Variants in OR4C6 observed in about 807,000 individuals in gnomAD.
The protein encoded by OR4C6 is olfactory receptor 4C6.
In OR4C6, 20 loss-of-function variants were observed where a neutral mutation model predicts 13.9. That is an observed-to-expected ratio of 1.43 (90% CI 1.01 to 2.08). The LOEUF is 2.08. Ranked by LOEUF, OR4C6 falls within the 30% of genes most tolerant of loss-of-function variation. The pLI is 0.00. For missense variants in OR4C6, 555 were observed against 381.2 expected, an observed-to-expected ratio of 1.46 and a Z score of -3.80; for synonymous variants, 193 against 141.5, an observed-to-expected ratio of 1.36 and a Z score of -2.58.
chr11:55,665,206 G>A lies in OR4C6; in HGVS notation c.40G>A (p.Gly14Ser), dbSNP rs769704448. The A allele has an allele frequency of 3.1e-6, 5 of 1,612,762 alleles. No individual in the cohort carries two copies. The highest frequency in any genetic ancestry group is 1.7e-5 in the Admixed American group (1 of 59,954). ...QNNVTEFILL[G>S]LTENLELWKI... ...CAATGTGACTGAATTCATTCTTCTG[G>A]GTCTCACAGAGAACCTGGAGCTGTG... The change falls in exon 2 of 2, where the codon GGT becomes AGT. Residue 14 changes from glycine to serine, a missense_variant. Physicochemically the swap from Gly to Ser is moderately conservative, Grantham distance 56. Coordinates refer to ENST00000314259, the MANE Select transcript of OR4C6 (RefSeq NM_001004704.2).
In OR4C6 at chr11:55,665,461, C is replaced by T; in HGVS notation, c.295C>T (p.Leu99=). ...TISLKGCLTQ[L]FVEHFFGGVG... ...CTCTCTCAAAGGCTGCCTCACCCAG[C>T]TGTTTGTGGAGCATTTCTTTGGTGG... Residue 99 remains leucine (L), a synonymous_variant, in exon 2 of 2, where the codon CTG becomes TTG. Transcript: ENST00000314259. 2 of 1,613,880 alleles carry T rather than the reference C, an allele frequency of 1.2e-6. No individual in the cohort carries two copies. Among genetic ancestry groups the T allele is most frequent in the Non-Finnish European group, 8.5e-7 (1 of 1,179,996 alleles).
At position 55,665,478 on chromosome 11, in the gene OR4C6, C is replaced by A; in HGVS notation, c.312C>A (p.Phe104Leu). 4 of 1,613,836 alleles carry A rather than the reference C, an allele frequency of 2.5e-6. No homozygotes were observed. The highest frequency in any genetic ancestry group is 3.4e-6 in the Non-Finnish European group (4 of 1,180,006). The change falls in exon 2 of 2, where the codon TTC becomes TTA. Residue 104 changes from phenylalanine (F) to leucine (L), a missense_variant. By Grantham distance (22) the Phe-to-Leu change is conservative. Coordinates refer to ENST00000314259, the MANE Select transcript of OR4C6 (RefSeq NM_001004704.2). ...GCLTQLFVEH[F>L]FGGVGIILLT... Reference sequence around the variant, plus strand: ...TCACCCAGCTGTTTGTGGAGCATTTCTTTGGTGGTGTGGGGATCATCCTCC... The same window carrying A: ...TCACCCAGCTGTTTGTGGAGCATTTATTTGGTGGTGTGGGGATCATCCTCC...
chr11:55,665,618 T>A lies in OR4C6; in HGVS notation c.452T>A (p.Phe151Tyr). 1 of 1,613,732 alleles carries A rather than the reference T, an allele frequency of 6.2e-7. No individual in the cohort carries two copies. The highest frequency in any genetic ancestry group is 1.1e-5 in the South Asian group (1 of 91,072). ...GTAGGAGGGGCTTGGGTGGGGGGAT[T>A]TATGCACGCAATGATACAACTTCTC... ...LMVGGAWVGG[F>Y]MHAMIQLLFM... The change falls in exon 2 of 2, where the codon TTT becomes TAT. Residue 151 changes from phenylalanine (F) to tyrosine (Y), a missense_variant. Transcript: ENST00000314259.
intron 1 of OR4C6, among the ~76,000 whole-genome samples, chr11:55,663,242 TAAATACA>T (rs1858692115): frequency 7.3e-6 from 1 of 137,304 alleles, no homozygotes; most frequent in Admixed American, 7.9e-5. Context: ...GATGGTGGAA[TAAATACA>T]GTGAAGCACA....
In OR4C6 at chr11:55,665,221, C is replaced by G. The variant is rs773362372; in HGVS notation, c.55C>G (p.Leu19Val). 3.1e-6 allele frequency: 5 copies of G among 1,613,330 alleles called. No homozygotes were observed. The highest frequency in any genetic ancestry group is 3.4e-6 in the Non-Finnish European group (4 of 1,179,554). Residue 19 changes from leucine to valine, a missense_variant, in exon 2 of 2, where the codon CTG becomes GTG. Physicochemically the swap from Leu to Val is conservative, Grantham distance 32 (BLOSUM62 1). Coordinates refer to ENST00000314259, the MANE Select transcript of OR4C6 (RefSeq NM_001004704.2). ...CATTCTTCTGGGTCTCACAGAGAAC[C>G]TGGAGCTGTGGAAAATATTTTCTGC... The part of the protein sequence containing the change: ...EFILLGLTEN[L>V]ELWKIFSAVF...
rs1858698236 is a variant in OR4C6, at chr11:55,663,757, T to A, written c.-42-1368T>A. ...GAGGAGAGGATGAGATTAAGTAATA[T>A]ATGGCACTTCCACAGTTTCCTGTGG... On this transcript the variant is annotated intron_variant, in intron 1 of 1. Transcript: ENST00000314259. Among the ~76,000 whole-genome samples, 2 of 121,806 alleles carry A rather than the reference T, an allele frequency of 1.6e-5. 1 individual carries two copies. The highest frequency in any genetic ancestry group is 5.4e-4 in the South Asian group (2 of 3,710). The allele number at this position is 121,806 out of a possible 152,430, so 79.9% of individuals were successfully genotyped here. A position where few individuals can be genotyped will look rare whatever the true frequency, so the allele number is the denominator to read the frequency against.
rs1207712300 is a variant in OR4C6 at position 55,665,379 on chromosome 11, C to T, written c.213C>T (p.Phe71=). The T allele has an allele frequency of 2.5e-6, 4 of 1,613,420 alleles. No individual in the cohort carries two copies. Among genetic ancestry groups the T allele is most frequent in the African/African-American group, 1.3e-5 (1 of 74,804 alleles). The change falls in exon 2 of 2, where the codon TTC becomes TTT. Residue 71 remains phenylalanine, a synonymous_variant. Transcript: ENST00000314259. The stretch of plus-strand genomic sequence containing the variant: ...TCTTGTCCCTTTTGGATGTCATGTT[C>T]TCATCTGTCGTTGCCCCCAAGGTGA... ...LTFLSLLDVM[F]SSVVAPKVIV... is the part of the protein sequence containing the mutation.
intron 1 of OR4C6, among the ~76,000 whole-genome samples, chr11:55,664,661 G>A (rs1300407101): frequency 6.6e-6 from 1 of 151,872 alleles, no homozygotes; most frequent in Non-Finnish European, 1.5e-5. Flanking sequence ...ATATTTGAGG[G>A]TACTGATTCC....
chr11:55,665,428 A>T lies in OR4C6; in HGVS notation c.262A>T (p.Thr88Ser), dbSNP rs1858727609. Reference protein sequence around the residue: ...KVIVDTLSKSTTISLKGCLTQ... With the variant: ...KVIVDTLSKSSTISLKGCLTQ... ...GATTGTAGACACCCTCTCCAAGAGC[A>T]CTACCATCTCTCTCAAAGGCTGCCT... The change falls in exon 2 of 2, where the codon ACT (threonine) becomes TCT (serine). Residue 88 changes from threonine to serine, a missense_variant. By Grantham distance (58) the Thr-to-Ser change is moderately conservative. Coordinates refer to ENST00000314259, the MANE Select transcript of OR4C6 (RefSeq NM_001004704.2). 1 of 1,613,654 alleles carries T rather than the reference A, an allele frequency of 6.2e-7. No homozygotes were observed. Among genetic ancestry groups the T allele is most frequent in the Admixed American group, 1.7e-5 (1 of 59,944 alleles).
At position 55,665,331 on chromosome 11, in the gene OR4C6, A is replaced by G. The variant is rs144757960; in HGVS notation, c.165A>G (p.Ser55=). The change falls in exon 2 of 2, where the codon TCA becomes TCG. Residue 55 remains serine, a synonymous_variant. Coordinates refer to ENST00000314259, the MANE Select transcript of OR4C6 (RefSeq NM_001004704.2). ...VTIITSQSLR[S]PMYFFLTFLS... is the part of the protein sequence containing the mutation. ...TTATCACAAGTCAGAGTCTGAGGTC[A>G]CCTATGTATTTTTTTCTTACCTTCT... 1,728 of 1,613,688 alleles carry G rather than the reference A, an allele frequency of 1.1e-3. 43 individuals carry two copies. In the African/African-American group the frequency reaches 0.021, roughly 19 times the overall value.
intron 1 of OR4C6, among the ~76,000 whole-genome samples, chr11:55,663,587 G>C (rs1394928735): frequency 7.2e-6 from 1 of 138,438 alleles, no homozygotes; most frequent in Non-Finnish European, 1.6e-5. Flanking sequence ...CCAGGTTTCG[G>C]AGATGCCAGC....
Position 55,665,632 on chromosome 11 carries a change from A to G in OR4C6, c.466A>G (p.Ile156Val), listed in dbSNP as rs1192150534. Residue 156 changes from isoleucine to valine, a missense_variant, in exon 2 of 2, where the codon ATA becomes GTA. Coordinates refer to ENST00000314259, the MANE Select transcript of OR4C6 (RefSeq NM_001004704.2). ...AWVGGFMHAM[I>V]QLLFMYQIPF... ...GGTGGGGGGATTTATGCACGCAATG[A>G]TACAACTTCTCTTCATGTATCAAAT... is the stretch of plus-strand genomic sequence containing the variant. 5.0e-6 allele frequency: 8 copies of G among 1,613,698 alleles called. No homozygotes were observed. Among genetic ancestry groups the G allele is most frequent in the African/African-American group, 1.3e-5 (1 of 74,792 alleles).
At chr11:55,664,729 G>T (rs888237393) in intron 1 of OR4C6, among the ~76,000 whole-genome samples, 1 of 151,992 alleles carries the variant, frequency 6.6e-6, no homozygotes, top group African/African-American at 2.4e-5. Flanking sequence ...ATGTGACCTT[G>T]CTTAAGGTTC....
rs780003623 is a variant in OR4C6 at position 55,665,480 on chromosome 11, T to C, written c.314T>C (p.Phe105Ser). ...CLTQLFVEHF[F>S]GGVGIILLTV... is the part of the protein sequence containing the mutation. ...ACCCAGCTGTTTGTGGAGCATTTCT[T>C]TGGTGGTGTGGGGATCATCCTCCTC... The change falls in exon 2 of 2, where the codon TTT becomes TCT. Residue 105 changes from phenylalanine (F) to serine (S), a missense_variant. Phe to Ser is a radical substitution (Grantham distance 155). Transcript: ENST00000314259. 1.2e-6 allele frequency: 2 copies of C among 1,613,830 alleles called. No homozygotes were observed. The highest frequency in any genetic ancestry group is 1.1e-5 in the South Asian group (1 of 91,076).
At chr11:55,663,275 A>C (rs1352818989) in intron 1 of OR4C6, among the ~76,000 whole-genome samples, 1 of 138,386 alleles carries the variant, frequency 7.2e-6, no homozygotes, top group African/African-American at 2.5e-5. Context: ...AATGAAGTCC[A>C]AACAGTAAGA....
At position 55,665,317 on chromosome 11, in the gene OR4C6, C is replaced by T; in HGVS notation, c.151C>T (p.Gln51Ter). The T allele has an allele frequency of 6.2e-7, 1 of 1,613,428 alleles. No homozygotes were observed. Among genetic ancestry groups the T allele is most frequent in the South Asian group, 1.1e-5 (1 of 91,072 alleles). Residue 51 changes from glutamine (Q) to a stop codon, truncating the protein, a stop_gained, in exon 2 of 2, where the codon CAG becomes TAG. Transcript: ENST00000314259. LOFTEE classifies it high-confidence loss of function. The stretch of plus-strand genomic sequence containing the variant: ...TATTGTGGTAACTATTATCACAAGT[C>T]AGAGTCTGAGGTCACCTATGTATTT... ...LLIVVTIITS[Q>*]SLRSPMYFFL...
rs1027642630 is a variant in OR4C6, at chr11:55,663,970, G to A, written c.-42-1155G>A. Reference sequence around the variant, plus strand: ...GTAATATGAGGCATTCTTTACTGCAGGTTTTTCTCTTGGTTGCAGTAGTAA... The same window carrying A: ...GTAATATGAGGCATTCTTTACTGCAAGTTTTTCTCTTGGTTGCAGTAGTAA... On this transcript the variant is annotated intron_variant, in intron 1 of 1. Transcript: ENST00000314259. 1.4e-5 allele frequency among the ~76,000 whole-genome samples: 2 copies of A among 138,006 alleles called. 1 individual carries two copies. The allele number at this position is 138,006 out of a possible 152,430, so 90.5% of individuals were successfully genotyped here.
In OR4C6 at chr11:55,665,603, C is replaced by T. The variant is rs771506066; in HGVS notation, c.437C>T (p.Ala146Val). The stretch of plus-strand genomic sequence containing the variant: ...GTGTGCTGCCTAATGGTAGGAGGGG[C>T]TTGGGTGGGGGGATTTATGCACGCA... ...PRVCCLMVGGAWVGGFMHAMI... is the reference protein window; with the variant it reads ...PRVCCLMVGGVWVGGFMHAMI... Residue 146 changes from alanine (A) to valine (V), a missense_variant, in exon 2 of 2, where the codon GCT (alanine) becomes GTT (valine). Physicochemically the swap from Ala to Val is moderately conservative, Grantham distance 64. Transcript: ENST00000314259. The T allele has an allele frequency of 1.9e-6, 3 of 1,613,718 alleles. No homozygotes were observed. Among genetic ancestry groups the T allele is most frequent in the Non-Finnish European group, 1.7e-6 (2 of 1,179,974 alleles).
At chr11:55,664,658 AG>A (rs1188550781) in intron 1 of OR4C6, among the ~76,000 whole-genome samples, 1 of 151,982 alleles carries the variant, frequency 6.6e-6, no homozygotes, top group African/African-American at 2.4e-5. Flanking sequence ...TTGATATTTG[AG>A]GGTACTGATT....
Sources: gnomAD v4.1 joint callset for allele counts (sites outside exome capture counted in the v4.1 genomes callset) on GRCh38, gnomAD v4.1.1 for gene constraint, MANE v1.5 for transcripts, NCBI Gene and HGNC (gene_info 2026-07-23, HGNC 2026-07-21) for gene names.